The following SYCP2L variants were observed in gnomAD, a reference collection of about 807,000 sequenced individuals.
SYCP2L encodes the protein synaptonemal complex protein 2-like.
Under a neutral mutation model 125.8 loss-of-function variants are expected in SYCP2L, and 98 were observed. The observed-to-expected ratio is 0.78, with a 90% CI of 0.66 to 0.92. SYCP2L has a LOEUF of 0.92. SYCP2L is among the 40% of genes least tolerant of loss of function. The pLI is 0.00. For missense variants in SYCP2L, 842 were observed against 936.4 expected, an observed-to-expected ratio of 0.90 and a Z score of 1.32; for synonymous variants, 317 against 325.4, an observed-to-expected ratio of 0.97 and a Z score of 0.28.
At position 10,942,716 on chromosome 6, in the gene SYCP2L, A is replaced by T. The variant is rs201642672; in HGVS notation, c.1924A>T (p.Lys642Ter). Residue 642 changes from lysine (K) to a stop codon, truncating the protein, a stop_gained, in exon 23 of 30, where the codon AAA becomes TAA. Transcript: ENST00000283141. LOFTEE classifies it high-confidence loss of function. ...ATCACTAACAGAAAGTACTAGCTTG[A>T]AACATAAGCTGAGAAACTTGGAAGA... ...QESLTESTSL[K>*]HKLRNLEDKD... 16 of 1,613,358 alleles carry T rather than the reference A, an allele frequency of 9.9e-6. No homozygotes were observed. Among genetic ancestry groups the T allele is most frequent in the Non-Finnish European group, 8.5e-7 (1 of 1,179,858 alleles).
intron 18 of SYCP2L, among the ~76,000 whole-genome samples, chr6:10,929,225 G>A (rs546895942): frequency 6.6e-5 from 10 of 151,992 alleles, no homozygotes; most frequent in Non-Finnish European, 1.5e-4. Flanking sequence ...CATTCAACTC[G>A]GCTTTTCCTT....
intron 14 of SYCP2L, among the ~76,000 whole-genome samples, chr6:10,916,337 G>T (rs1476803350): frequency 6.6e-6 from 1 of 152,066 alleles, no homozygotes; most frequent in Non-Finnish European, 1.5e-5. Context: ...TCTGATGTTG[G>T]TTATTTCTTT....
At chr6:10,930,832 A>T (rs1780985557) in intron 19 of SYCP2L, among the ~76,000 whole-genome samples, 1 of 152,184 alleles carries the variant, frequency 6.6e-6, no homozygotes. Context: ...AACCTTTGGA[A>T]AAAAGAATAG....
intron 23 of SYCP2L, among the ~76,000 whole-genome samples, chr6:10,949,005 T>C (rs1781363684): frequency 6.6e-6 from 1 of 152,134 alleles, no homozygotes; most frequent in Non-Finnish European, 1.5e-5. Flanking sequence ...GTTTCCTTTT[T>C]ATTGTGTACT....
intron 25 of SYCP2L, among the ~76,000 whole-genome samples, chr6:10,958,210 A>T (rs1446805862): frequency 1.4e-5 from 2 of 145,922 alleles, no homozygotes; most frequent in Non-Finnish European, 2.9e-5. Flanking sequence ...TGGATAATTT[A>T]TTTTTTTTTA....
intron 18 of SYCP2L, among the ~76,000 whole-genome samples, chr6:10,929,575 T>C (rs901965176): frequency 6.6e-6 from 1 of 152,216 alleles, no homozygotes; most frequent in African/African-American, 2.4e-5. Flanking sequence ...AGATTAAACT[T>C]GCCCTAAATC....
chr6:10,899,075 T>C (rs1780333727), intron 6 of SYCP2L, among the ~76,000 whole-genome samples: 1 of 152,230 alleles, frequency 6.6e-6, no homozygotes, highest in Non-Finnish European at 1.5e-5. Flanking sequence ...TCCTGACATA[T>C]GGCTAGCTCT....
rs1224418091 is a variant in SYCP2L at position 10,895,518 on chromosome 6, AAGTT to A, written c.336+1318_336+1321del. Among the ~76,000 whole-genome samples, 4 of 152,164 alleles carry A rather than the reference AAGTT, an allele frequency of 2.6e-5. No individual in the cohort carries two copies. The South Asian group carries it at 6.3e-4, about 24-fold the overall frequency. On this transcript the variant is annotated intron_variant, in intron 4 of 29. Transcript: ENST00000283141. ...GAAGGGGTGTCTGTAATGAGCTAGA[AAGTT>A]AGTCCTCTTTTCAAATAAGGAAAGG...
intron 23 of SYCP2L, among the ~76,000 whole-genome samples, chr6:10,946,868 TCTGGAATATGTGAC>T (rs1781322552): frequency 6.6e-6 from 1 of 152,052 alleles, no homozygotes; most frequent in Non-Finnish European, 1.5e-5. Context: ...TTGTAGGGAA[TCTGGAATATGTGAC>T]ATGTCTTTCA....
At chr6:10,943,909 A>G (rs1781265860) in intron 23 of SYCP2L, among the ~76,000 whole-genome samples, 1 of 152,190 alleles carries the variant, frequency 6.6e-6, no homozygotes, top group African/African-American at 2.4e-5. Flanking sequence ...ACTATTTAGC[A>G]TGCAGTTACA....
intron 15 of SYCP2L, among the ~76,000 whole-genome samples, chr6:10,926,024 C>A (rs1454971414): frequency 6.6e-6 from 1 of 152,182 alleles, no homozygotes; most frequent in Non-Finnish European, 1.5e-5. Flanking sequence ...CTGAAAGAGA[C>A]TCAGTGCCTG....
At chr6:10,896,936 A>G (rs999281050) in intron 4 of SYCP2L, among the ~76,000 whole-genome samples, 1 of 152,194 alleles carries the variant, frequency 6.6e-6, no homozygotes, top group African/African-American at 2.4e-5. Flanking sequence ...CAAAGTATAC[A>G]GAGTTTTGAA....
chr6:10,910,909 A>G, intron 12 of SYCP2L, 40 bp downstream of exon 12: 3 of 1,610,108 alleles, frequency 1.9e-6, no homozygotes, highest in Non-Finnish European at 2.6e-6. Flanking sequence ...GGCGGTGTGC[A>G]GTGAAACCAG....
At chr6:10,891,215 A>G (rs1229701730) in intron 1 of SYCP2L, among the ~76,000 whole-genome samples, 1 of 152,196 alleles carries the variant, frequency 6.6e-6, no homozygotes, top group Non-Finnish European at 1.5e-5. Flanking sequence ...TATAATCATC[A>G]TTATAGAGTT....
intron 25 of SYCP2L, among the ~76,000 whole-genome samples, 156 bp downstream of exon 25, chr6:10,956,398 G>A (rs1030738164): frequency 2.0e-5 from 3 of 152,110 alleles, no homozygotes; most frequent in Admixed American, 6.6e-5. Context: ...GGTTACCAGG[G>A]GTCAGGGTTA....
intron 14 of SYCP2L, among the ~76,000 whole-genome samples, chr6:10,923,247 A>T (rs1431718423): frequency 6.6e-6 from 1 of 151,870 alleles, no homozygotes; most frequent in African/African-American, 2.4e-5. Flanking sequence ...CCTTGTACTT[A>T]ATGTGGTGTA....
At position 10,935,079 on chromosome 6, in the gene SYCP2L, GAGAA is replaced by G; in HGVS notation, c.1711_1714del (p.Glu571TyrfsTer24). ...TTAGGCTAAGCTTCTATCACCATCA[GAGAA>G]AGAAATACCCGAGCAAAATAACACC... On this transcript the variant is annotated frameshift_variant, in exon 21 of 30. Transcript: ENST00000283141. LOFTEE classifies it high-confidence loss of function. 6.2e-7 allele frequency: 1 copy of G among 1,610,596 alleles called. No individual in the cohort carries two copies. Among genetic ancestry groups the G allele is most frequent in the Non-Finnish European group, 8.5e-7 (1 of 1,178,798 alleles).
intron 29 of SYCP2L, among the ~76,000 whole-genome samples, chr6:10,965,830 A>G (rs1407894327): frequency 6.6e-6 from 1 of 152,178 alleles, no homozygotes; most frequent in Non-Finnish European, 1.5e-5. Context: ...TAACCACTCT[A>G]GGCTGGGCCT....
chr6:10,959,005 A>C (rs1240620752), intron 26 of SYCP2L, 130 bp downstream of exon 26: 3 of 751,264 alleles, frequency 4.0e-6, no homozygotes, highest in Non-Finnish European at 6.6e-6. Flanking sequence ...TACATCATTT[A>C]ACCCTTCTGG....
Sources: gnomAD v4.1 joint callset for allele counts (sites outside exome capture counted in the v4.1 genomes callset) on GRCh38, gnomAD v4.1.1 for gene constraint, MANE v1.5 for transcripts, NCBI Gene and HGNC (gene_info 2026-07-23, HGNC 2026-07-21) for gene names.